The following ZC3H12C variants were observed in gnomAD, a reference collection of about 807,000 sequenced individuals.
ZC3H12C encodes probable ribonuclease ZC3H12C.
A neutral mutation model predicts 76.3 loss-of-function variants in ZC3H12C; 20 were observed. That is an observed-to-expected ratio of 0.26 (90% CI 0.18 to 0.38). The LOEUF is 0.38. Ranked by LOEUF, ZC3H12C falls within the 10% of genes least tolerant of loss-of-function variation. The probability of loss-of-function intolerance (pLI) is 1.00; values close to 1 mark genes in which losing one functional copy is unlikely to be tolerated. For synonymous variants in ZC3H12C, 352 were observed against 399.6 expected, an observed-to-expected ratio of 0.88 and a Z score of 1.42; for missense variants, 874 against 1,086.5, an observed-to-expected ratio of 0.80 and a Z score of 2.75.
At chr11:110,102,515 A>C (rs11213263) in intron 1 of ZC3H12C, among the ~76,000 whole-genome samples, 41,902 of 151,864 alleles carry the variant, frequency 0.28, 5,993 homozygotes, top group Middle Eastern at 0.37. Flanking sequence ...TGGATAAGCA[A>C]AGACAGTGGT....
chr11:110,098,260 T>C (rs574639216), intron 1 of ZC3H12C, among the ~76,000 whole-genome samples: 30 of 152,274 alleles, frequency 2.0e-4, no homozygotes, highest in African/African-American at 6.7e-4. Context: ...AAAAATTTTC[T>C]AGATAGACAA....
At chr11:110,095,061 G>A (rs1226879418) in intron 1 of ZC3H12C, among the ~76,000 whole-genome samples, 1 of 152,118 alleles carries the variant, frequency 6.6e-6, no homozygotes, top group African/African-American at 2.4e-5. Flanking sequence ...AACTATTTTA[G>A]TATAATGGGA....
At chr11:110,102,624 C>G (rs1382607730) in intron 1 of ZC3H12C, among the ~76,000 whole-genome samples, 4 of 152,136 alleles carry the variant, frequency 2.6e-5, no homozygotes, top group African/African-American at 9.7e-5. Flanking sequence ...AAAGCAGTGG[C>G]AAGGTTTGAG....
chr11:110,158,628 A>G (rs1298065538), intron 3 of ZC3H12C, among the ~76,000 whole-genome samples: 2 of 152,146 alleles, frequency 1.3e-5, no homozygotes, highest in Non-Finnish European at 2.9e-5. Flanking sequence ...TGACCCCCAC[A>G]AGAATGCTGG....
At chr11:110,111,716 T>TTTA (rs1861433157) in intron 1 of ZC3H12C, among the ~76,000 whole-genome samples, 4 of 149,326 alleles carry the variant, frequency 2.7e-5, no homozygotes, top group Non-Finnish European at 5.9e-5. Flanking sequence ...TTTTTTTTTT[T>TTTA]AGTTTTTGTG....
intron 4 of ZC3H12C, among the ~76,000 whole-genome samples, chr11:110,162,686 C>G (rs577620366): frequency 7.2e-5 from 11 of 152,292 alleles, no homozygotes; most frequent in Non-Finnish European, 1.5e-4. Flanking sequence ...TGAATCTTGA[C>G]TATGCCATGC....
At chr11:110,127,426 T>C (rs1861768996) in intron 1 of ZC3H12C, among the ~76,000 whole-genome samples, 1 of 152,210 alleles carries the variant, frequency 6.6e-6, no homozygotes, top group African/African-American at 2.4e-5. Flanking sequence ...TTTACTCTAT[T>C]CTTTTACACT....
chr11:110,152,752 T>C (rs1275140614), intron 2 of ZC3H12C, among the ~76,000 whole-genome samples, 167 bp from the exon 3 acceptor site: 1 of 152,238 alleles, frequency 6.6e-6, no homozygotes, highest in African/African-American at 2.4e-5. Flanking sequence ...CAGATCTTGA[T>C]TTTCAACTTA....
At chr11:110,111,308 A>T (rs1861422721) in intron 1 of ZC3H12C, among the ~76,000 whole-genome samples, 1 of 152,214 alleles carries the variant, frequency 6.6e-6, no homozygotes, top group Non-Finnish European at 1.5e-5. Flanking sequence ...GGACAGTTAA[A>T]CATGGATTTA....
chr11:110,119,885 C>T (rs899650563), intron 1 of ZC3H12C, among the ~76,000 whole-genome samples: 1 of 152,122 alleles, frequency 6.6e-6, no homozygotes, highest in Non-Finnish European at 1.5e-5. Flanking sequence ...AAAGGCCCCA[C>T]CTCTAAGACT....
intron 1 of ZC3H12C, among the ~76,000 whole-genome samples, chr11:110,122,685 C>T (rs1264324153): frequency 6.6e-6 from 1 of 152,192 alleles, no homozygotes; most frequent in Non-Finnish European, 1.5e-5. Flanking sequence ...ATGAGATAAT[C>T]AACCTTTATT....
In ZC3H12C at chr11:110,164,328, T is replaced by C; in HGVS notation, c.1256-13T>C. On this transcript the variant is annotated splice_polypyrimidine_tract_variant and intron_variant, in intron 5 of 5. Transcript: ENST00000278590. The surrounding 1 kb of genome is among the most constrained non-coding windows in gnomAD (Gnocchi z 5.7). ...GGTATGCTCCTTTGCCTAATTAATTTTACTCTTCTTAGGAAAGAAGTGTAC... is the reference window on the plus strand; with the variant it reads ...GGTATGCTCCTTTGCCTAATTAATTCTACTCTTCTTAGGAAAGAAGTGTAC... The C allele has an allele frequency of 6.3e-7, 1 of 1,577,914 alleles. No homozygotes were observed. Among genetic ancestry groups the C allele is most frequent in the East Asian group, 2.3e-5 (1 of 44,184 alleles).
chr11:110,118,562 C>CA (rs1861602230), intron 1 of ZC3H12C, among the ~76,000 whole-genome samples: 1 of 152,130 alleles, frequency 6.6e-6, no homozygotes, highest in Admixed American at 6.6e-5. Context: ...TTTGGGGGGC[C>CA]AAGGCAGGTG....
intron 2 of ZC3H12C, among the ~76,000 whole-genome samples, chr11:110,151,724 T>C (rs1368506948): frequency 1.6e-4 from 25 of 152,158 alleles, no homozygotes; most frequent in Admixed American, 1.5e-3. Flanking sequence ...CCTTTCCTTA[T>C]CCCATTTTCT....
At chr11:110,100,564 G>A (rs766533930) in intron 1 of ZC3H12C, among the ~76,000 whole-genome samples, 1 of 152,098 alleles carries the variant, frequency 6.6e-6, no homozygotes, top group Non-Finnish European at 1.5e-5. Context: ...GTGTTGCTGG[G>A]TCACGTCGTG....
intron 1 of ZC3H12C, among the ~76,000 whole-genome samples, chr11:110,096,640 C>T (rs1315061796): frequency 1.3e-5 from 2 of 152,164 alleles, no homozygotes; most frequent in African/African-American, 4.8e-5. Context: ...AGTTCTGCCT[C>T]GATAGGATTC....
At chr11:110,094,327 T>G (rs941454799) in intron 1 of ZC3H12C, among the ~76,000 whole-genome samples, 1 of 152,356 alleles carries the variant, frequency 6.6e-6, no homozygotes, top group Middle Eastern at 3.4e-3. Flanking sequence ...CAGGCGCTTA[T>G]TGATTCAGAC....
chr11:110,148,720 T>G (rs1371631308), intron 2 of ZC3H12C, among the ~76,000 whole-genome samples: 1 of 152,244 alleles, frequency 6.6e-6, no homozygotes, highest in East Asian at 1.9e-4. Context: ...TAACTAATTT[T>G]GTTACTGAGC....
chr11:110,124,506 A>G (rs1024482670), intron 1 of ZC3H12C, among the ~76,000 whole-genome samples: 2 of 152,222 alleles, frequency 1.3e-5, no homozygotes, highest in African/African-American at 2.4e-5. Flanking sequence ...GCTAAATTGT[A>G]CTGTACACAC....
Sources: gnomAD v4.1 joint callset for allele counts (sites outside exome capture counted in the v4.1 genomes callset) on GRCh38, gnomAD v4.1.1 for gene constraint, Gnocchi (gnomAD v3.1) non-coding constraint, MANE v1.5 for transcripts, NCBI Gene and HGNC (gene_info 2026-07-23, HGNC 2026-07-21) for gene names.